FNBP1: variants seen among roughly 807,000 people sequenced by gnomAD.
FNBP1 encodes formin binding protein 1.
Under a neutral mutation model 90.6 loss-of-function variants are expected in FNBP1, and 26 were observed. The ratio of observed to expected loss-of-function variants is 0.29; its 90% CI spans 0.21 to 0.40. FNBP1 has a LOEUF of 0.40. Ranked by LOEUF, FNBP1 falls within the 10% of genes least tolerant of loss-of-function variation. The pLI is 1.00. For missense variants in FNBP1, 635 were observed against 768.0 expected (o/e 0.83, Z 2.05); for synonymous variants, 260 against 265.2 (o/e 0.98, Z 0.19).
chr9:129,933,792 T>C (rs1175978004), intron 6 of FNBP1, among the ~76,000 whole-genome samples: 1 of 152,034 alleles, frequency 6.6e-6, no homozygotes, highest in Non-Finnish European at 1.5e-5. Context: ...AACAGCAAAA[T>C]ACTGTGATAC....
chr9:129,985,474 C>T (rs2052017259), intron 2 of FNBP1, among the ~76,000 whole-genome samples: 1 of 152,200 alleles, frequency 6.6e-6, no homozygotes, highest in Admixed American at 6.5e-5. Context: ...ACATCCCAGG[C>T]ATTGGGACTC....
chr9:130,043,262 C>G, upstream of FNBP1: 1 of 264,888 alleles, frequency 3.8e-6, no homozygotes, highest in East Asian at 6.7e-5. Context: ...CGGGGCCGGT[C>G]TGACAGCTCG....
intron 1 of FNBP1, among the ~76,000 whole-genome samples, chr9:130,026,973 A>G (rs1589353290): frequency 6.6e-6 from 1 of 151,998 alleles, no homozygotes; most frequent in Non-Finnish European, 1.5e-5. Flanking sequence ...CTCAAAAAAA[A>G]AAAAAAAAAA....
chr9:129,928,027 C>T (rs552917324), intron 7 of FNBP1, among the ~76,000 whole-genome samples: 1 of 152,276 alleles, frequency 6.6e-6, no homozygotes, highest in Admixed American at 6.5e-5. Flanking sequence ...AATTAACTGC[C>T]TCAGCCCAAT....
upstream of FNBP1, among the ~76,000 whole-genome samples, chr9:130,046,316 G>GAA (rs1257543995): frequency 3.9e-5 from 6 of 152,146 alleles, no homozygotes; most frequent in African/African-American, 1.4e-4. Flanking sequence ...GAGAGGCGCT[G>GAA]AAAGTTAAGT....
At position 130,042,157 on chromosome 9, in the gene FNBP1, T is replaced by C. The variant is rs1017572374; in HGVS notation, c.24+795A>G. On this transcript the variant is annotated intron_variant, in intron 1 of 16. Coordinates refer to ENST00000446176, the MANE Select transcript of FNBP1 (RefSeq NM_015033.3). This position sits in a 1 kb window ranked among gnomAD's most constrained non-coding sequence, Gnocchi z 5.5. ...GAGGGCTGCCCGTTTACCGTGCGCA[T>C]CCCCCGGCCAAGCATCCCCGCAAGG... 3.3e-5 allele frequency among the ~76,000 whole-genome samples: 5 copies of C among 151,656 alleles called. No homozygotes were observed. The highest frequency in any genetic ancestry group is 9.7e-5 in the African/African-American group (4 of 41,238).
chr9:129,920,074 GC>G (rs1380416443), intron 10 of FNBP1, among the ~76,000 whole-genome samples: 1 of 152,318 alleles, frequency 6.6e-6, no homozygotes, highest in East Asian at 1.9e-4. Context: ...AGTGAGGGAA[GC>G]AAAACTATTT....
In FNBP1 at chr9:129,923,979, AGGAGGG is replaced by A; in HGVS notation, c.1029_1034del (p.Pro344_Pro345del). ...GAACAGCAGAGGGTGAGGCAGAGGC[AGGAGGG>A]GGAGGGGGAGGCTGATGGGGGGATG... On this transcript the variant is annotated inframe_deletion, in exon 10 of 17. Coordinates refer to ENST00000446176, the MANE Select transcript of FNBP1 (RefSeq NM_015033.3). 2 of 1,246,468 alleles carry A rather than the reference AGGAGGG, an allele frequency of 1.6e-6. No individual in the cohort carries two copies. The highest frequency in any genetic ancestry group is 3.2e-5 in the Admixed American group (1 of 31,654). The allele number at this position is 1,246,468 out of a possible 1,614,324, so 77.2% of individuals were successfully genotyped here.
chr9:130,038,321 T>G (rs1284241851), intron 1 of FNBP1, among the ~76,000 whole-genome samples: 1 of 131,594 alleles, frequency 7.6e-6, no homozygotes, highest in Non-Finnish European at 1.6e-5. Flanking sequence ...TGCGACCCAC[T>G]GCACTCCAGC....
At chr9:129,962,720 C>A (rs1022265426) in intron 4 of FNBP1, among the ~76,000 whole-genome samples, 1 of 152,158 alleles carries the variant, frequency 6.6e-6, no homozygotes, top group African/African-American at 2.4e-5. Context: ...CCCCTTGGGG[C>A]TTCGTTTTTC....
chr9:130,016,655 A>C (rs1307983051), intron 1 of FNBP1, among the ~76,000 whole-genome samples: 1 of 152,176 alleles, frequency 6.6e-6, no homozygotes, highest in Non-Finnish European at 1.5e-5. Flanking sequence ...AGGCAGGAGA[A>C]TCGCTTGAAC....
At chr9:129,963,063 C>G (rs751482062) in intron 4 of FNBP1, among the ~76,000 whole-genome samples, 5 of 152,084 alleles carry the variant, frequency 3.3e-5, no homozygotes, top group African/African-American at 4.8e-5. Flanking sequence ...GAGATGCAGC[C>G]GCTCCCAAAA....
At chr9:129,911,767 C>G (rs2039322224) in intron 11 of FNBP1, among the ~76,000 whole-genome samples, 1 of 151,928 alleles carries the variant, frequency 6.6e-6, no homozygotes, top group Non-Finnish European at 1.5e-5. Context: ...TCTGTCTCGA[C>G]TAAAGACACA....
intron 10 of FNBP1, among the ~76,000 whole-genome samples, chr9:129,920,915 A>C (rs1476690178): frequency 6.6e-6 from 1 of 152,188 alleles, no homozygotes; most frequent in East Asian, 1.9e-4. Context: ...TTGTCTTGGA[A>C]ATTCTTGGAT....
rs566853195 is a variant in FNBP1, at chr9:129,978,008, T to C, written c.345+457A>G. Among the ~76,000 whole-genome samples, 4 of 152,038 alleles carry C rather than the reference T, an allele frequency of 2.6e-5. No individual in the cohort carries two copies. In the South Asian group the frequency reaches 8.3e-4, roughly 32 times the overall value. On this transcript the variant is annotated intron_variant, in intron 4 of 16. Transcript: ENST00000446176. ...AGAAACACTTTCTAGGAACAGGGTC[T>C]GTAACTTTTTTTCTTTTTTTTTTTC...
intron 1 of FNBP1, among the ~76,000 whole-genome samples, chr9:130,033,152 A>T (rs771859579): frequency 5.9e-5 from 9 of 152,088 alleles, no homozygotes; most frequent in Non-Finnish European, 1.3e-4. Context: ...ATCACCTTTC[A>T]TCCAACAACC....
rs531468559 is a variant in FNBP1, at chr9:130,042,464, C to G, written c.24+488G>C. Among the ~76,000 whole-genome samples the G allele has an allele frequency of 8.5e-5, 13 of 152,120 alleles. No homozygotes were observed. In the East Asian group the frequency reaches 2.5e-3, roughly 30 times the overall value. ...ACCCCAAAACCCGACCCCCGGCGCT[C>G]GCCCCGGCCGCCCCGCTCCCGGGGA... On this transcript the variant is annotated intron_variant, in intron 1 of 16. Coordinates refer to ENST00000446176, the MANE Select transcript of FNBP1 (RefSeq NM_015033.3). The surrounding 1 kb of genome is among the most constrained non-coding windows in gnomAD (Gnocchi z 5.5).
chr9:129,950,694 G>T (rs1360785183), intron 6 of FNBP1, among the ~76,000 whole-genome samples: 1 of 152,180 alleles, frequency 6.6e-6, no homozygotes, highest in Non-Finnish European at 1.5e-5. Context: ...CCCACTTTAA[G>T]TCTAGGCCTC....
In FNBP1 at chr9:129,900,177, GGA is replaced by G. The variant is rs2036635291; in HGVS notation, c.1551-78_1551-77del. The G allele has an allele frequency of 6.9e-7, 1 of 1,456,830 alleles. No individual in the cohort carries two copies. The highest frequency in any genetic ancestry group is 1.4e-5 in the African/African-American group (1 of 69,882). The allele number at this position is 1,456,830 out of a possible 1,614,324, so 90.2% of individuals were successfully genotyped here. On this transcript the variant is annotated intron_variant, in intron 14 of 16. Transcript: ENST00000446176. The surrounding 1 kb of genome is among the most constrained non-coding windows in gnomAD (Gnocchi z 4.1). Reference sequence around the variant, plus strand: ...GGACTCAGATTGAGTCCCTGCGACTGGAGAGCACTTGCAACCCCGCCCCTCAG... The same window carrying G: ...GGACTCAGATTGAGTCCCTGCGACTGGAGCACTTGCAACCCCGCCCCTCAG...
Sources: gnomAD v4.1 joint callset for allele counts (sites outside exome capture counted in the v4.1 genomes callset) on GRCh38, gnomAD v4.1.1 for gene constraint, Gnocchi (gnomAD v3.1) non-coding constraint, MANE v1.5 for transcripts, NCBI Gene and HGNC (gene_info 2026-07-23, HGNC 2026-07-21) for gene names.